Variants in PIGU observed in about 807,000 individuals in gnomAD.
The protein encoded by PIGU is phosphatidylinositol glycan anchor biosynthesis class U.
PIGU carries 24 observed loss-of-function variants against 49.9 expected under a neutral mutation model. The ratio of observed to expected loss-of-function variants is 0.48; its 90% CI spans 0.35 to 0.68. The LOEUF (loss-of-function observed/expected upper bound fraction) is 0.68. PIGU is among the 30% of genes least tolerant of loss of function. The pLI, the probability that PIGU is intolerant of heterozygous loss-of-function variation, is 0.01. For synonymous variants in PIGU, 220 were observed against 205.7 expected, an observed-to-expected ratio of 1.07 and a Z score of -0.59; for missense variants, 490 against 532.6, an observed-to-expected ratio of 0.92 and a Z score of 0.79.
At chr20:34,581,970 G>C (rs1322896230) in intron 9 of PIGU, among the ~76,000 whole-genome samples, 1 of 152,208 alleles carries the variant, frequency 6.6e-6, no homozygotes, top group African/African-American at 2.4e-5. Flanking sequence ...TCCCCTAGGA[G>C]CCACAGAGGA....
chr20:34,604,964 G>A (rs1600621398), intron 7 of PIGU, among the ~76,000 whole-genome samples: 1 of 152,068 alleles, frequency 6.6e-6, no homozygotes, highest in Middle Eastern at 3.4e-3. Flanking sequence ...CAAGCAAAAG[G>A]AAGATGGGAA....
chr20:34,643,319 G>C (rs1192320049), intron 4 of PIGU, among the ~76,000 whole-genome samples: 1 of 152,090 alleles, frequency 6.6e-6, no homozygotes, highest in South Asian at 2.1e-4. Flanking sequence ...CCTCAGTCTA[G>C]ATATTTTTTA....
rs1036019464 is a variant in PIGU, at chr20:34,644,172, T to C, written c.310A>G (p.Lys104Glu). ...ACCCACAAACTACTTACCACAACTT[T>C]ATTGAAGTCCTGGATTGCAAAATAC... ...ALYFAIQDFNKVVFKKQKLLL... is the reference protein window; with the variant it reads ...ALYFAIQDFNEVVFKKQKLLL... Residue 104 changes from lysine (K) to glutamate (E), a missense_variant, in exon 4 of 12, where the codon AAA (lysine) becomes GAA (glutamate). Transcript: ENST00000217446. 2.5e-6 allele frequency: 4 copies of C among 1,608,820 alleles called. No homozygotes were observed. In the African/African-American group the frequency reaches 5.3e-5, roughly 22 times the overall value.
intron 11 of PIGU, among the ~76,000 whole-genome samples, chr20:34,561,529 C>T (rs1982509681): frequency 6.6e-6 from 1 of 152,170 alleles, no homozygotes; most frequent in African/African-American, 2.4e-5. Context: ...ATCTCATCTC[C>T]TAAACAACAG....
rs147551330 is a variant in PIGU, at chr20:34,644,283, G to C, written c.256-57C>G. 2.8e-6 allele frequency: 4 copies of C among 1,422,280 alleles called. No homozygotes were observed. In the East Asian group the frequency reaches 7.0e-5, roughly 25 times the overall value. The allele number at this position is 1,422,280 out of a possible 1,614,324, so 88.1% of individuals were successfully genotyped here. A position where few individuals can be genotyped will look rare whatever the true frequency, so the allele number is the denominator to read the frequency against. On this transcript the variant is annotated intron_variant, in intron 3 of 11. Transcript: ENST00000217446. Reference sequence around the variant, plus strand: ...GAACACAGTAAGTGTAAGAGTACTAGAGTGCTACCAGGGCTTGGAGTTTTG... The same window carrying C: ...GAACACAGTAAGTGTAAGAGTACTACAGTGCTACCAGGGCTTGGAGTTTTG...
intron 6 of PIGU, among the ~76,000 whole-genome samples, chr20:34,622,285 G>A (rs1383582914): frequency 3.3e-5 from 5 of 152,118 alleles, no homozygotes; most frequent in East Asian, 1.9e-4. Context: ...TTGGGAGGCC[G>A]AGGAGGGTGG....
intron 1 of PIGU, among the ~76,000 whole-genome samples, chr20:34,664,409 A>C (rs1015907499): frequency 6.6e-6 from 1 of 152,210 alleles, no homozygotes; most frequent in African/African-American, 2.4e-5. Context: ...CTACAATATT[A>C]AACAGTTGAC....
chr20:34,590,702 C>T (rs1251272938), intron 7 of PIGU, among the ~76,000 whole-genome samples: 6 of 151,688 alleles, frequency 4.0e-5, no homozygotes, highest in Admixed American at 3.9e-4. Context: ...CAGCTACATG[C>T]TATTTACAAG....
At chr20:34,606,923 G>A (rs1022280563) in intron 7 of PIGU, among the ~76,000 whole-genome samples, 2 of 152,086 alleles carry the variant, frequency 1.3e-5, no homozygotes, top group Non-Finnish European at 2.9e-5. Flanking sequence ...ACCAAGCCTG[G>A]CTAATTTTTG....
At chr20:34,639,169 A>G (rs577750104) in intron 4 of PIGU, among the ~76,000 whole-genome samples, 1 of 152,270 alleles carries the variant, frequency 6.6e-6, no homozygotes, top group South Asian at 2.1e-4. Context: ...TGGGAGGCCG[A>G]GGCAGGCAGA....
chr20:34,577,889 T>A (rs2146702276), intron 10 of PIGU, among the ~76,000 whole-genome samples: 1 of 152,290 alleles, frequency 6.6e-6, no homozygotes, highest in Non-Finnish European at 1.5e-5. Flanking sequence ...CTGCAGCCCC[T>A]TACAGTCTGC....
At chr20:34,634,537 AC>A in intron 6 of PIGU, 77 bp downstream of exon 6, 4 of 1,452,756 alleles carry the variant, frequency 2.8e-6, no homozygotes, top group Non-Finnish European at 3.6e-6. Context: ...AAAAAACAAA[AC>A]AAAACCACAG....
intron 1 of PIGU, among the ~76,000 whole-genome samples, chr20:34,664,125 A>G (rs1392422330): frequency 6.6e-6 from 1 of 152,204 alleles, no homozygotes; most frequent in Non-Finnish European, 1.5e-5. Context: ...ATCTGGGCAA[A>G]GGGTCAGACT....
chr20:34,641,309 CCT>C (rs1346884721), intron 4 of PIGU, among the ~76,000 whole-genome samples: 1 of 152,166 alleles, frequency 6.6e-6, no homozygotes, highest in Non-Finnish European at 1.5e-5. Flanking sequence ...ACACTCCACC[CCT>C]GTCCCTACTC....
chr20:34,658,231 G>A (rs921334604), intron 1 of PIGU, among the ~76,000 whole-genome samples: 2 of 152,384 alleles, frequency 1.3e-5, no homozygotes, highest in South Asian at 2.1e-4. Context: ...CTAACCGCGA[G>A]TGATCCGCCA....
chr20:34,675,196 C>T (rs940832348), intron 1 of PIGU, among the ~76,000 whole-genome samples: 11 of 142,742 alleles, frequency 7.7e-5, no homozygotes, highest in South Asian at 2.2e-4. Flanking sequence ...TATGGTGAGC[C>T]GAGATCGCAC....
At chr20:34,566,044 G>A (rs909123745) in intron 11 of PIGU, among the ~76,000 whole-genome samples, 2 of 150,954 alleles carry the variant, frequency 1.3e-5, no homozygotes, top group African/African-American at 2.4e-5. Context: ...ACACATACAC[G>A]CACGCTCTCA....
intron 7 of PIGU, among the ~76,000 whole-genome samples, chr20:34,599,417 C>T (rs768627512): frequency 6.6e-5 from 10 of 151,998 alleles, no homozygotes; most frequent in African/African-American, 2.2e-4. Context: ...CGTGCCATTA[C>T]GCTCCAGCCT....
intron 1 of PIGU, among the ~76,000 whole-genome samples, chr20:34,669,488 G>A (rs900665417): frequency 1.3e-5 from 2 of 151,974 alleles, no homozygotes; most frequent in Non-Finnish European, 2.9e-5. Flanking sequence ...CCAACATGGT[G>A]AAACCCTATC....
Sources: gnomAD v4.1 joint callset for allele counts (sites outside exome capture counted in the v4.1 genomes callset) on GRCh38, gnomAD v4.1.1 for gene constraint, MANE v1.5 for transcripts, NCBI Gene and HGNC (gene_info 2026-07-23, HGNC 2026-07-21) for gene names.